The following HERC2 variants were observed in gnomAD, a reference collection of about 807,000 sequenced individuals.
HERC2 encodes E3 ubiquitin-protein ligase HERC2.
HERC2 carries 102 observed loss-of-function variants against 537.7 expected under a neutral mutation model. That is an observed-to-expected ratio of 0.19 (90% CI 0.16 to 0.22). The LOEUF is 0.22. HERC2 is among the 10% of genes least tolerant of loss of function. The probability of loss-of-function intolerance (pLI) is 1.00; values close to 1 mark genes in which losing one functional copy is unlikely to be tolerated. For synonymous variants in HERC2, 2,224 were observed against 2,466.2 expected (o/e 0.90, Z 2.91); for missense variants, 4,236 against 6,198.2 (o/e 0.68, Z 10.63).
chr15:28,219,375 AGCCAG>A (rs1180893342), intron 37 of HERC2, among the ~76,000 whole-genome samples: 2 of 152,226 alleles, frequency 1.3e-5, no homozygotes, highest in Non-Finnish European at 2.9e-5. Flanking sequence ...CCAGGCAGGG[AGCCAG>A]GCCTGCTTCC....
At position 28,294,192 on chromosome 15, in the gene HERC2, A is replaced by C. The variant is rs538596861; in HGVS notation, c.188-1170T>G. Among the ~76,000 whole-genome samples the C allele has an allele frequency of 7.7e-4, 117 of 152,332 alleles. 1 individual carries two copies. Among genetic ancestry groups the C allele is most frequent in the African/African-American group, 2.7e-3 (111 of 41,576 alleles). ...ACAGTGCAATTCAATTCTGAAACTAACTACCTAGAATTAGCACAGACCCCA... is the reference window on the plus strand; with the variant it reads ...ACAGTGCAATTCAATTCTGAAACTACCTACCTAGAATTAGCACAGACCCCA... On this transcript the variant is annotated intron_variant, in intron 3 of 92. Transcript: ENST00000261609.
At position 28,256,020 on chromosome 15, in the gene HERC2, T is replaced by C. The variant is rs200333054; in HGVS notation, c.2747-24A>G. On this transcript the variant is annotated intron_variant, in intron 18 of 92. Transcript: ENST00000261609. ...AACTGAAATAGAAAGTGTGTGCCAA[T>C]TTGAGTGAAACGCCATTCCCTCCCA... is the stretch of plus-strand genomic sequence containing the variant. The C allele has an allele frequency of 2.2e-4, 350 of 1,605,308 alleles. 1 individual carries two copies. The African/African-American group carries it at 4.0e-3, about 19-fold the overall frequency.
chr15:28,167,794 C>T lies in HERC2; in HGVS notation c.10447G>A (p.Ala3483Thr), dbSNP rs1329599568. Residue 3483 changes from alanine to threonine, a missense_variant, in exon 68 of 93, where the codon GCA (alanine) becomes ACA (threonine). Ala to Thr is a moderately conservative substitution (Grantham distance 58, BLOSUM62 0). Coordinates refer to ENST00000261609, the MANE Select transcript of HERC2 (RefSeq NM_004667.6). The part of the protein sequence containing the change: ...VSSEDAVTPS[A>T]VTPSAPSASA... ...GCTGAGGGGGCCGACGGAGTCACTG[C>T]AGAGGGGGTCACTGCGTCCTCAGAG... The T allele has an allele frequency of 6.2e-7, 1 of 1,614,100 alleles. No individual in the cohort carries two copies. Among genetic ancestry groups the T allele is most frequent in the East Asian group, 2.2e-5 (1 of 44,872 alleles).
intron 14 of HERC2, among the ~76,000 whole-genome samples, chr15:28,264,278 G>A (rs2075500026): frequency 6.6e-6 from 1 of 152,126 alleles, no homozygotes; most frequent in South Asian, 2.1e-4. Context: ...CAGACAGTAC[G>A]TAAATGAGTG....
At chr15:28,179,548 A>G (rs1363435502) in intron 57 of HERC2, among the ~76,000 whole-genome samples, 1 of 152,254 alleles carries the variant, frequency 6.6e-6, no homozygotes, top group Non-Finnish European at 1.5e-5. Flanking sequence ...ATAACAGACT[A>G]CTGCTACTGG....
intron 44 of HERC2, among the ~76,000 whole-genome samples, chr15:28,210,219 C>T (rs752504561): frequency 5.9e-5 from 9 of 151,954 alleles, no homozygotes; most frequent in Non-Finnish European, 1.3e-4. Flanking sequence ...CTGTAAGCTC[C>T]GCCTCCCGGA....
intron 2 of HERC2, among the ~76,000 whole-genome samples, chr15:28,316,782 T>G (rs1203425760): frequency 2.0e-5 from 3 of 152,168 alleles, no homozygotes; most frequent in African/African-American, 7.2e-5. Flanking sequence ...CTACTGATCG[T>G]TTTTATTTTT....
chr15:28,287,019 C>T (rs2076174191), intron 4 of HERC2, among the ~76,000 whole-genome samples: 1 of 152,154 alleles, frequency 6.6e-6, no homozygotes, highest in South Asian at 2.1e-4. Context: ...GCCAGCGGCA[C>T]AGTCTCAGGT....
intron 69 of HERC2, among the ~76,000 whole-genome samples, chr15:28,158,759 G>A (rs1195063285): frequency 6.6e-6 from 1 of 152,178 alleles, no homozygotes; most frequent in Non-Finnish European, 1.5e-5. Context: ...ATTATTATGT[G>A]TGAATTTGAT....
chr15:28,131,486 T>C (rs1217230802), intron 81 of HERC2, among the ~76,000 whole-genome samples: 3 of 152,192 alleles, frequency 2.0e-5, no homozygotes, highest in Non-Finnish European at 4.4e-5. Context: ...CTGAGGTCAC[T>C]GAGAAGCATG....
chr15:28,229,856 G>A lies in HERC2; in HGVS notation c.4810-9C>T. ...AGCGGCTGCCATTTGTCCTAACAAA[G>A]GAAAACAATTTTCATCATTAGTCTA... is the stretch of plus-strand genomic sequence containing the variant. On this transcript the variant is annotated splice_polypyrimidine_tract_variant and intron_variant, in intron 31 of 92. Transcript: ENST00000261609. 9.8e-7 allele frequency: 1 copy of A among 1,025,480 alleles called. No individual in the cohort carries two copies. Among genetic ancestry groups the A allele is most frequent in the Non-Finnish European group, 1.5e-6 (1 of 656,560 alleles). The allele number at this position is 1,025,480 out of a possible 1,614,324, so 63.5% of individuals were successfully genotyped here. A position where few individuals can be genotyped will look rare whatever the true frequency, so the allele number is the denominator to read the frequency against.
chr15:28,133,287 C>T (rs961883426), intron 79 of HERC2, among the ~76,000 whole-genome samples: 1 of 152,162 alleles, frequency 6.6e-6, no homozygotes, highest in East Asian at 1.9e-4. Context: ...AACATAGTGA[C>T]TACTGATAAC....
chr15:28,313,217 A>T (rs1227843755), intron 2 of HERC2, among the ~76,000 whole-genome samples: 1 of 143,190 alleles, frequency 7.0e-6, no homozygotes, highest in African/African-American at 2.5e-5. Context: ...TTTTTGAGAC[A>T]GAGTCTTGCT....
At chr15:28,171,899 C>T (rs1179330520) in intron 65 of HERC2, among the ~76,000 whole-genome samples, 1 of 151,862 alleles carries the variant, frequency 6.6e-6, no homozygotes, top group African/African-American at 2.4e-5. Flanking sequence ...ACGGTGAAAC[C>T]CCGTCTCTAC....
chr15:28,273,632 A>G (rs2075797602), intron 7 of HERC2, among the ~76,000 whole-genome samples: 1 of 152,186 alleles, frequency 6.6e-6, no homozygotes, highest in South Asian at 2.1e-4. Context: ...CCGGCTCAGG[A>G]AGTGGACTCA....
At chr15:28,175,873 A>G (rs1895238482) in intron 63 of HERC2, among the ~76,000 whole-genome samples, 1 of 152,198 alleles carries the variant, frequency 6.6e-6, no homozygotes, top group African/African-American at 2.4e-5. Context: ...TACATATTTT[A>G]TGATATTTAA....
rs1439435600 is a variant in HERC2 at position 28,218,516 on chromosome 15, C to T, written c.6001G>A (p.Val2001Met). 1 of 1,596,744 alleles carries T rather than the reference C, an allele frequency of 6.3e-7. No homozygotes were observed. The highest frequency in any genetic ancestry group is 2.2e-5 in the East Asian group (1 of 44,864). ...KTLCGLLRML[V>M]ESGTTDKTSS... The stretch of plus-strand genomic sequence containing the variant: ...GTCTTGTCCGTCGTTCCGCTTTCCA[C>T]TAACATTCGCAGCAGTCCGCATAAA... Residue 2001 changes from valine (V) to methionine (M), a missense_variant, in exon 38 of 93, where the codon GTG becomes ATG. Val to Met is a conservative substitution (Grantham distance 21). This residue lies in a region of HERC2 where 365 missense variants were observed against 468.8 expected (regional missense o/e 0.78). Transcript: ENST00000261609.
Position 28,270,700 on chromosome 15 carries a change from G to A in HERC2, c.1252C>T (p.His418Tyr), listed in dbSNP as rs1397034313. Reference protein sequence around the residue: ...MPPLCSSPTSHKGSLQEVIGW... With the variant: ...MPPLCSSPTSYKGSLQEVIGW... ...CACGGTTCTTGCACACACACCTTAT[G>A]AGATGTCGGAGAGCTACACAGCGGA... Residue 418 changes from histidine (H) to tyrosine (Y), a missense_variant, in exon 10 of 93, where the codon CAT (histidine) becomes TAT (tyrosine). Transcript: ENST00000261609. The A allele has an allele frequency of 6.2e-7, 1 of 1,613,714 alleles. No individual in the cohort carries two copies. Among genetic ancestry groups the A allele is most frequent in the African/African-American group, 1.3e-5 (1 of 74,900 alleles).
intron 21 of HERC2, among the ~76,000 whole-genome samples, chr15:28,247,618 C>T (rs1043350753): frequency 1.3e-5 from 2 of 151,800 alleles, no homozygotes; most frequent in Non-Finnish European, 2.9e-5. Context: ...TTAGTAGAGA[C>T]GGGGTTTCAC....
Sources: allele counts gnomAD v4.1 joint callset (sites outside exome capture counted in the v4.1 genomes callset), GRCh38; gene constraint gnomAD v4.1.1; regional missense constraint gnomAD v4.1.1; transcripts MANE v1.5; gene names NCBI Gene and HGNC (gene_info 2026-07-23, HGNC 2026-07-21).